RGMA: variants seen among roughly 807,000 people sequenced by gnomAD.
The protein encoded by RGMA is repulsive guidance molecule BMP co-receptor a.
RGMA carries 10 observed loss-of-function variants against 23.2 expected under a neutral mutation model. The ratio of observed to expected loss-of-function variants is 0.43; its 90% CI spans 0.27 to 0.73. The LOEUF (loss-of-function observed/expected upper bound fraction) is 0.73, where lower values mean the gene tolerates loss of function less well. Ranked by LOEUF, RGMA falls within the 30% of genes least tolerant of loss-of-function variation. The pLI is 0.20. For missense variants in RGMA, 547 were observed against 630.5 expected (o/e 0.87, Z 1.42); for synonymous variants, 308 against 279.3 (o/e 1.10, Z -1.03).
At chr15:93,046,116 C>G (rs886488123) in intron 3 of RGMA, among the ~76,000 whole-genome samples, 1 of 152,116 alleles carries the variant, frequency 6.6e-6, no homozygotes, top group Non-Finnish European at 1.5e-5. Flanking sequence ...CCTTAGATGG[C>G]AAAAGGGACC....
At chr15:93,063,374 C>G (rs1298912974) in intron 2 of RGMA, among the ~76,000 whole-genome samples, 2 of 152,254 alleles carry the variant, frequency 1.3e-5, no homozygotes, top group Non-Finnish European at 2.9e-5. Flanking sequence ...CCCCTCCCCA[C>G]CCTCTCCTGT....
At chr15:93,059,364 A>G (rs1216987956) in intron 2 of RGMA, among the ~76,000 whole-genome samples, 1 of 152,128 alleles carries the variant, frequency 6.6e-6, no homozygotes, top group Non-Finnish European at 1.5e-5. Context: ...CTGCCAACTG[A>G]CCCATCCCGA....
At chr15:93,088,834 A>G in intron 1 of RGMA, 85 bp downstream of exon 1, 1 of 1,283,334 alleles carries the variant, frequency 7.8e-7, no homozygotes, top group Non-Finnish European at 1.1e-6. Context: ...AAGGAAGACC[A>G]AAGCAGCGCC....
rs2054734284 is a variant in RGMA at position 93,042,289 on chromosome 15, C to T, written c.*2709G>A. 6.6e-6 allele frequency: 1 copy of T among 152,282 alleles called. No homozygotes were observed. The highest frequency in any genetic ancestry group is 2.1e-4 in the South Asian group (1 of 4,836). The allele number at this position is 152,282 out of a possible 1,614,324, so 9.4% of individuals were successfully genotyped here. A position where few individuals can be genotyped will look rare whatever the true frequency, so the allele number is the denominator to read the frequency against. On this transcript the variant is annotated 3_prime_UTR_variant, in exon 4 of 4. Transcript: ENST00000329082. ...TGCAGGTTCACCTCTCCCAAGAGTC[C>T]AGGGTCTGTATCGCCCCTTTCCTTC...
At chr15:93,062,673 G>A (rs1895007296) in intron 2 of RGMA, 1 of 152,186 alleles carries the variant, frequency 6.6e-6, no homozygotes, top group East Asian at 1.9e-4. Context: ...CCCACAAGGG[G>A]ACACTAGATG....
intron 2 of RGMA, among the ~76,000 whole-genome samples, chr15:93,071,049 G>C (rs756730442): frequency 6.6e-6 from 1 of 152,196 alleles, no homozygotes; most frequent in Admixed American, 6.5e-5. Context: ...AAGTGCTGCA[G>C]CTTTAAGAGC....
intron 1 of RGMA, among the ~76,000 whole-genome samples, chr15:93,082,844 G>A (rs1311452429): frequency 6.6e-6 from 1 of 152,218 alleles, no homozygotes; most frequent in South Asian, 2.1e-4. Flanking sequence ...GCCTTCGAAT[G>A]TGAGTTAAAT....
intron 3 of RGMA, among the ~76,000 whole-genome samples, chr15:93,050,163 G>C (rs955272988): frequency 3.3e-5 from 5 of 152,174 alleles, no homozygotes; most frequent in Admixed American, 1.3e-4. Flanking sequence ...CCCCTTTGCT[G>C]GTCTTTGCTC....
intron 3 of RGMA, among the ~76,000 whole-genome samples, chr15:93,050,920 G>A (rs960667188): frequency 6.6e-6 from 1 of 152,200 alleles, no homozygotes; most frequent in Admixed American, 6.5e-5. Flanking sequence ...GGCGGGTGGT[G>A]GGGAGGTGCA....
intron 3 of RGMA, among the ~76,000 whole-genome samples, chr15:93,047,307 C>T (rs112713760): frequency 1.3e-5 from 2 of 152,270 alleles, no homozygotes; most frequent in South Asian, 4.1e-4. Context: ...AAAAACCACC[C>T]CTTCTTCCAC....
chr15:93,077,577 A>C (rs1016343668), intron 1 of RGMA, among the ~76,000 whole-genome samples: 5 of 152,228 alleles, frequency 3.3e-5, no homozygotes, highest in Non-Finnish European at 5.9e-5. Flanking sequence ...GACCAATCAG[A>C]ATCTTTCTTG....
At chr15:93,070,870 TA>T (rs1272438652) in intron 2 of RGMA, among the ~76,000 whole-genome samples, 1 of 152,234 alleles carries the variant, frequency 6.6e-6, no homozygotes, top group Non-Finnish European at 1.5e-5. Context: ...GTGACTTATA[TA>T]ACCTACCAGT....
intron 2 of RGMA, among the ~76,000 whole-genome samples, chr15:93,071,283 T>C (rs78388057): frequency 0.016 from 2,381 of 152,382 alleles, 85 homozygotes; most frequent in African/African-American, 0.055. Flanking sequence ...ATTTTTATTT[T>C]AATTTTGAAT....
intron 1 of RGMA, chr15:93,088,505 G>A: frequency 1.0e-6 from 1 of 994,732 alleles, no homozygotes; most frequent in Non-Finnish European, 1.2e-6. Flanking sequence ...CAGCTCCGCA[G>A]CCGGGCGTCG....
At chr15:93,088,648 A>C in intron 1 of RGMA, 1 of 1,017,964 alleles carries the variant, frequency 9.8e-7, no homozygotes, top group Non-Finnish European at 1.3e-6. Context: ...GGTGTAAGGG[A>C]CGTGTGCCGG....
chr15:93,080,083 A>G (rs1895534404), intron 1 of RGMA, among the ~76,000 whole-genome samples: 1 of 152,192 alleles, frequency 6.6e-6, no homozygotes, highest in Admixed American at 6.5e-5. Context: ...ACTACCAAAA[A>G]TTTAAAAATT....
intron 2 of RGMA, among the ~76,000 whole-genome samples, chr15:93,058,980 T>C (rs1307413375): frequency 1.3e-5 from 2 of 151,298 alleles, no homozygotes; most frequent in African/African-American, 4.9e-5. Context: ...CCGGGGCCTG[T>C]GCAGGTGACA....
chr15:93,060,954 C>T (rs191330068), intron 2 of RGMA, among the ~76,000 whole-genome samples: 138 of 152,308 alleles, frequency 9.1e-4, no homozygotes, highest in African/African-American at 3.2e-3. Context: ...AGCTTCCCTG[C>T]GCCACCTTCT....
Position 93,089,003 on chromosome 15 carries a change from C to G in RGMA, c.-71G>C, listed in dbSNP as rs1247586936. On this transcript the variant is annotated 5_prime_UTR_variant, in exon 1 of 4. Transcript: ENST00000329082. ...GAAGAGGGGGTGTCGGGGCGCCGCT[C>G]GTCTGCCCCGGGGCAAGGTGGGAGG... 1.9e-6 allele frequency: 2 copies of G among 1,079,952 alleles called. No individual in the cohort carries two copies. Among genetic ancestry groups the G allele is most frequent in the South Asian group, 4.0e-5 (2 of 50,460 alleles). 66.9% of individuals were successfully genotyped at this position (1,079,952 alleles called of 1,614,324 possible).
Sources: gnomAD v4.1 joint callset for allele counts (sites outside exome capture counted in the v4.1 genomes callset) on GRCh38, gnomAD v4.1.1 for gene constraint, MANE v1.5 for transcripts, NCBI Gene and HGNC (gene_info 2026-07-23, HGNC 2026-07-21) for gene names.